The following E2F8 variants were observed in gnomAD, a reference collection of about 807,000 sequenced individuals.
E2F8 encodes transcription factor E2F8.
E2F8 carries 35 observed loss-of-function variants against 80.8 expected under a neutral mutation model. The observed-to-expected ratio is 0.43, with a 90% CI of 0.33 to 0.57. The LOEUF is 0.57. E2F8 is among the 20% of genes least tolerant of loss of function. E2F8 has a pLI of 0.04. For synonymous variants in E2F8, 386 were observed against 395.0 expected, an observed-to-expected ratio of 0.98 and a Z score of 0.27; for missense variants, 975 against 1,056.2, an observed-to-expected ratio of 0.92 and a Z score of 1.07.
chr11:19,232,226 A>G lies in E2F8; in HGVS notation c.1066+8T>C. 1 of 1,609,664 alleles carries G rather than the reference A, an allele frequency of 6.2e-7. No homozygotes were observed. The highest frequency in any genetic ancestry group is 8.5e-7 in the Non-Finnish European group (1 of 1,178,804). ...ATAAAGCAGAGGGTGAAAGAAAAAA[A>G]TACATACCACTGGTATTTGGACTGA... On this transcript the variant is annotated splice_region_variant and intron_variant, in intron 7 of 12. Coordinates refer to ENST00000250024, the MANE Select transcript of E2F8 (RefSeq NM_024680.4).
rs772260523 is a variant in E2F8 at position 19,237,810 on chromosome 11, C to T, written c.294+44G>A. The T allele has an allele frequency of 1.5e-5, 24 of 1,573,046 alleles. No individual in the cohort carries two copies. In the Admixed American group the frequency reaches 3.5e-4, roughly 23 times the overall value. On this transcript the variant is annotated intron_variant, in intron 3 of 12. Coordinates refer to ENST00000250024, the MANE Select transcript of E2F8 (RefSeq NM_024680.4). ...TAATAGCTACAACCTCCCCCCTCCCCCCAACAAATTCCCCAGCCTCCAACC... is the reference window on the plus strand; with the variant it reads ...TAATAGCTACAACCTCCCCCCTCCCTCCAACAAATTCCCCAGCCTCCAACC...
chr11:19,224,716 A>G lies in E2F8; in HGVS notation c.2546T>C (p.Leu849Ser). The change falls in exon 13 of 13, where the codon TTA becomes TCA. Residue 849 changes from leucine (L) to serine (S), a missense_variant. Coordinates refer to ENST00000250024, the MANE Select transcript of E2F8 (RefSeq NM_024680.4). The part of the protein sequence containing the change: ...MDFEGANKTS[L>S]GTLFVPQRKL... The stretch of plus-strand genomic sequence containing the variant: ...TCGCTGTGGGACAAAGAGAGTTCCT[A>G]AGGAGGTTTTATTAGCACCCTCAAA... 6.2e-7 allele frequency: 1 copy of G among 1,614,222 alleles called. No homozygotes were observed. The highest frequency in any genetic ancestry group is 8.5e-7 in the Non-Finnish European group (1 of 1,180,036).
chr11:19,232,166 G>A, intron 7 of E2F8, 68 bp downstream of exon 7: 1 of 1,583,860 alleles, frequency 6.3e-7, no homozygotes, highest in Non-Finnish European at 8.6e-7. Flanking sequence ...AACACACACT[G>A]GAAATTAAAA....
At position 19,225,517 on chromosome 11, in the gene E2F8, C is replaced by T; in HGVS notation, c.2125G>A (p.Ala709Thr). 1 of 1,614,176 alleles carries T rather than the reference C, an allele frequency of 6.2e-7. No homozygotes were observed. The highest frequency in any genetic ancestry group is 8.5e-7 in the Non-Finnish European group (1 of 1,180,042). Reference protein sequence around the residue: ...KLMVSPTSVAAVPVGNSPALA... With the variant: ...KLMVSPTSVATVPVGNSPALA... ...GCCGGGCTGTTCCCGACAGGTACGGCTGCCACGGAAGTTGGTGAGACCATT... is the reference window on the plus strand; with the variant it reads ...GCCGGGCTGTTCCCGACAGGTACGGTTGCCACGGAAGTTGGTGAGACCATT... Residue 709 changes from alanine (A) to threonine (T), a missense_variant, in exon 12 of 13, where the codon GCC becomes ACC. Coordinates refer to ENST00000250024, the MANE Select transcript of E2F8 (RefSeq NM_024680.4).
chr11:19,234,658 C>A, intron 5 of E2F8, 86 bp downstream of exon 5: 53 of 1,533,198 alleles, frequency 3.5e-5, no homozygotes, highest in Non-Finnish European at 4.5e-5. Flanking sequence ...GCAGCAGTAG[C>A]TTTAGAGCTG....
chr11:19,235,994 T>C (rs915198271), intron 4 of E2F8, among the ~76,000 whole-genome samples: 1 of 152,242 alleles, frequency 6.6e-6, no homozygotes, highest in Non-Finnish European at 1.5e-5. Flanking sequence ...TCTATTTAAA[T>C]TGGGTTTTCA....
chr11:19,233,199 T>A (rs1200592468), intron 6 of E2F8, among the ~76,000 whole-genome samples: 1 of 152,166 alleles, frequency 6.6e-6, no homozygotes, highest in Admixed American at 6.5e-5. Context: ...CTCCTCCCCA[T>A]CCGCTGAGCA....
intron 4 of E2F8, among the ~76,000 whole-genome samples, chr11:19,236,563 C>A (rs1327006665): frequency 6.6e-6 from 1 of 152,162 alleles, no homozygotes; most frequent in Non-Finnish European, 1.5e-5. Context: ...ACCCAGCTAC[C>A]ATTAAGCATA....
At chr11:19,241,594 G>T (rs1166700564), upstream of E2F8, 1 of 152,404 alleles carries the variant, frequency 6.6e-6, no homozygotes, top group Non-Finnish European at 1.5e-5. The surrounding 1 kb of genome is among the most constrained non-coding windows in gnomAD (Gnocchi z 4.5). Context: ...GAGCGTGACC[G>T]TCCAGGAGCA....
rs545413514 is a variant in E2F8, at chr11:19,238,029, C to T, written c.119G>A (p.Gly40Asp). ...IVLAEIQPDF[G>D]PLTTPTKPKE... ...GGGCTTGGTAGGTGTGGTTAAAGGG[C>T]CAAAGTCAGGCTGGATCTCTGCCAA... Residue 40 changes from glycine (G) to aspartate (D), a missense_variant, in exon 3 of 13, where the codon GGC (glycine) becomes GAC (aspartate). Physicochemically the swap from Gly to Asp is moderately conservative, Grantham distance 94. Transcript: ENST00000250024. 3 of 1,614,148 alleles carry T rather than the reference C, an allele frequency of 1.9e-6. No individual in the cohort carries two copies. Among genetic ancestry groups the T allele is most frequent in the South Asian group, 1.1e-5 (1 of 91,076 alleles).
intron 10 of E2F8, among the ~76,000 whole-genome samples, chr11:19,227,288 A>G (rs1851260297): frequency 6.6e-6 from 1 of 152,176 alleles, no homozygotes; most frequent in Non-Finnish European, 1.5e-5. Context: ...CAAAATCTCT[A>G]CTAGTAGGTG....
chr11:19,227,558 G>A (rs552314565), intron 10 of E2F8, among the ~76,000 whole-genome samples: 8 of 152,110 alleles, frequency 5.3e-5, no homozygotes, highest in African/African-American at 1.4e-4. Flanking sequence ...TTAAATTGCC[G>A]AATGAATCTG....
chr11:19,240,002 G>C, intron 2 of E2F8, 105 bp downstream of exon 2: 1 of 850,170 alleles, frequency 1.2e-6, no homozygotes, highest in Non-Finnish European at 1.7e-6. Context: ...GCTAACCAAG[G>C]TTGTGGCATT....
rs746578931 is a variant in E2F8 at position 19,230,722 on chromosome 11, T to C, written c.1179A>G (p.Arg393=). 1 of 1,614,178 alleles carries C rather than the reference T, an allele frequency of 6.2e-7. No homozygotes were observed. The highest frequency in any genetic ancestry group is 2.2e-5 in the East Asian group (1 of 44,888). ...FSTRGKPNFT[R]HPSLIKLVKS... ...TTACCAATTTGATAAGAGATGGGTG[T>C]CGAGTAAAGTTTGGTTTCCCACGTG... is the stretch of plus-strand genomic sequence containing the variant. The change falls in exon 8 of 13, where the codon CGA becomes CGG. Residue 393 remains arginine, a synonymous_variant. Coordinates refer to ENST00000250024, the MANE Select transcript of E2F8 (RefSeq NM_024680.4).
intron 4 of E2F8, among the ~76,000 whole-genome samples, chr11:19,235,824 T>C (rs556026531): frequency 1.1e-4 from 16 of 152,256 alleles, no homozygotes; most frequent in African/African-American, 3.9e-4. Context: ...TCTGTAATGA[T>C]CATAAGATAG....
Position 19,234,446 on chromosome 11 carries a change from G to T in E2F8, c.842C>A (p.Thr281Lys). ...AACTTCTAGGCTTACTATCTGAGGC[G>T]TTGACACCAAAAACAGCATCACAAA... ...QKFVMLFLVS[T>K]PQIVSLEVAA... The change falls in exon 6 of 13, where the codon ACG becomes AAG. Residue 281 changes from threonine to lysine, a missense_variant. By Grantham distance (78) the Thr-to-Lys change is moderately conservative. Coordinates refer to ENST00000250024, the MANE Select transcript of E2F8 (RefSeq NM_024680.4). 6.2e-7 allele frequency: 1 copy of T among 1,614,164 alleles called. No homozygotes were observed. Among genetic ancestry groups the T allele is most frequent in the Non-Finnish European group, 8.5e-7 (1 of 1,180,036 alleles).
intron 2 of E2F8, among the ~76,000 whole-genome samples, chr11:19,239,751 C>G (rs527703303): frequency 6.6e-6 from 1 of 150,528 alleles, no homozygotes; most frequent in South Asian, 2.1e-4. Context: ...GTAGCTGTCT[C>G]AGACATAAAG....
At position 19,224,163 on chromosome 11, in the gene E2F8, A is replaced by C. The variant is rs1851165873; in HGVS notation, c.*495T>G. Reference sequence around the variant, plus strand: ...GATTGAGGATTGTTGCAAACTTTACAAAAAGATACACTGCAACAACAGATT... The same window carrying C: ...GATTGAGGATTGTTGCAAACTTTACCAAAAGATACACTGCAACAACAGATT... On this transcript the variant is annotated 3_prime_UTR_variant, in exon 13 of 13. Coordinates refer to ENST00000250024, the MANE Select transcript of E2F8 (RefSeq NM_024680.4). 1 of 152,700 alleles carries C rather than the reference A, an allele frequency of 6.5e-6. No homozygotes were observed. Among genetic ancestry groups the C allele is most frequent in the Non-Finnish European group, 1.5e-5 (1 of 68,056 alleles). 9.5% of individuals were successfully genotyped at this position (152,700 alleles called of 1,614,324 possible).
chr11:19,234,678 C>T (rs1322971709), intron 5 of E2F8, 66 bp downstream of exon 5: 4 of 1,549,780 alleles, frequency 2.6e-6, no homozygotes, highest in Non-Finnish European at 3.5e-6. Flanking sequence ...GTGTTCTCCA[C>T]AGAACCTTTT....
Sources: gnomAD v4.1 joint callset for allele counts (sites outside exome capture counted in the v4.1 genomes callset) on GRCh38, gnomAD v4.1.1 for gene constraint, Gnocchi (gnomAD v3.1) non-coding constraint, MANE v1.5 for transcripts, NCBI Gene and HGNC (gene_info 2026-07-23, HGNC 2026-07-21) for gene names.